The following CTNNA2 variants were observed in gnomAD, a reference collection of about 807,000 sequenced individuals.
The protein encoded by CTNNA2 is catenin alpha 2, also known as catenin alpha-2.
CTNNA2 carries 42 observed loss-of-function variants against 101.0 expected under a neutral mutation model. The ratio of observed to expected loss-of-function variants is 0.42; its 90% CI spans 0.32 to 0.54. The LOEUF (loss-of-function observed/expected upper bound fraction) is 0.54, where lower values mean the gene tolerates loss of function less well. Among genes scored for constraint, CTNNA2 ranks in the 20% least tolerant of loss-of-function variants. The pLI is 0.14. For synonymous variants in CTNNA2, 450 were observed against 456.4 expected (o/e 0.99, Z 0.18); for missense variants, 871 against 1,223.1 (o/e 0.71, Z 4.29).
rs547232132 is a variant in CTNNA2, at chr2:79,201,924, G to T, written c.-406+3848G>T. On this transcript the variant is annotated intron_variant, in intron 2 of 21. Coordinates refer to the CTNNA2 transcript ENST00000466387. The stretch of plus-strand genomic sequence containing the variant: ...TCAGTGGTACAGTTTGCTTTTATAC[G>T]TTTTAGGGAGACATGAGACATCATT... Among the ~76,000 whole-genome samples, 120 of 152,218 alleles carry T rather than the reference G, an allele frequency of 7.9e-4. 1 individual carries two copies. The highest frequency in any genetic ancestry group is 5.0e-3 in the South Asian group (24 of 4,824).
intron 2 of CTNNA2, among the ~76,000 whole-genome samples, chr2:79,704,651 T>G (rs1285273518): frequency 6.6e-6 from 1 of 151,788 alleles, no homozygotes; most frequent in Non-Finnish European, 1.5e-5. Flanking sequence ...TAGCTGGGAC[T>G]ACAGGCACCC....
At chr2:80,134,116 G>A (rs1381880081) in intron 7 of CTNNA2, among the ~76,000 whole-genome samples, 1 of 152,138 alleles carries the variant, frequency 6.6e-6, no homozygotes, top group African/African-American at 2.4e-5. Flanking sequence ...ATCAATAGAA[G>A]TGTTGTATAT....
intron 3 of CTNNA2, among the ~76,000 whole-genome samples, chr2:79,854,663 T>G (rs1413993060): frequency 6.6e-6 from 1 of 152,208 alleles, no homozygotes; most frequent in Non-Finnish European, 1.5e-5. Flanking sequence ...GTCCCTTATT[T>G]GGTAATGTTA....
chr2:79,382,416 A>T (rs1678049704), intron 4 of CTNNA2, among the ~76,000 whole-genome samples: 1 of 152,022 alleles, frequency 6.6e-6, no homozygotes, highest in Non-Finnish European at 1.5e-5. Flanking sequence ...GTGTGTATAC[A>T]TCTTGTTTGT....
At chr2:79,925,867 A>C (rs561088383) in intron 7 of CTNNA2, among the ~76,000 whole-genome samples, 3 of 115,160 alleles carry the variant, frequency 2.6e-5, no homozygotes, top group African/African-American at 1.2e-4. Flanking sequence ...CTTTGTTTAT[A>C]CATCTAAGAC....
At chr2:79,555,213 C>T (rs1674368605) in intron 1 of CTNNA2, among the ~76,000 whole-genome samples, 1 of 152,142 alleles carries the variant, frequency 6.6e-6, no homozygotes, top group Admixed American at 6.6e-5. Flanking sequence ...TCTTTCTTGG[C>T]AAATTTACTC....
intron 2 of CTNNA2, among the ~76,000 whole-genome samples, chr2:79,305,167 A>G (rs1376732582): frequency 6.6e-6 from 1 of 152,072 alleles, no homozygotes; most frequent in Non-Finnish European, 1.5e-5. Flanking sequence ...ATTATAAAAC[A>G]AAACTTGAAT....
intron 2 of CTNNA2, among the ~76,000 whole-genome samples, chr2:79,706,350 G>A (rs550215408): frequency 7.9e-6 from 1 of 126,122 alleles, no homozygotes; most frequent in Admixed American, 9.1e-5. Context: ...GCGACAGAGC[G>A]AGACTCCGTC....
intron 6 of CTNNA2, among the ~76,000 whole-genome samples, chr2:79,892,988 A>T (rs1294872768): frequency 6.6e-6 from 1 of 152,156 alleles, no homozygotes; most frequent in African/African-American, 2.4e-5. Context: ...CCCGTCCCTG[A>T]TTGTTAGACT....
chr2:79,745,288 G>A (rs1314887788), intron 3 of CTNNA2, among the ~76,000 whole-genome samples: 3 of 151,956 alleles, frequency 2.0e-5, no homozygotes, highest in Admixed American at 6.6e-5. Flanking sequence ...AAAATTAGCC[G>A]GGCATGGCAG....
chr2:80,358,199 G>C (rs1335347294), intron 7 of CTNNA2, among the ~76,000 whole-genome samples: 2 of 152,158 alleles, frequency 1.3e-5, no homozygotes, highest in East Asian at 1.9e-4. Flanking sequence ...CCTTAGGACA[G>C]TGCGTGGCAA....
At chr2:80,318,101 A>G (rs1368767801) in intron 7 of CTNNA2, among the ~76,000 whole-genome samples, 2 of 152,072 alleles carry the variant, frequency 1.3e-5, no homozygotes, top group African/African-American at 2.4e-5. Flanking sequence ...TTCCTCAATC[A>G]TGTAGTGGGT....
At chr2:80,232,345 GTTTTTTTTTTTTTTTTTTTT>G (rs61454985) in intron 7 of CTNNA2, among the ~76,000 whole-genome samples, 958 of 64,804 alleles carry the variant, frequency 0.015, 10 homozygotes, top group African/African-American at 0.035. Context: ...TTGTTTGTTT[GTTTTTTTTTTTTTTTTTTTT>G]TTTTTTTTTT....
At chr2:79,838,973 A>G (rs903429762) in intron 3 of CTNNA2, among the ~76,000 whole-genome samples, 27 of 152,060 alleles carry the variant, frequency 1.8e-4, no homozygotes, top group African/African-American at 6.3e-4. Flanking sequence ...AATACCACTT[A>G]TTACTGGGCG....
chr2:79,852,667 C>A (rs548683329), intron 3 of CTNNA2, among the ~76,000 whole-genome samples: 1 of 152,264 alleles, frequency 6.6e-6, no homozygotes, highest in Non-Finnish European at 1.5e-5. Flanking sequence ...TCTCTGCTCA[C>A]TGCAACCTCC....
intron 3 of CTNNA2, among the ~76,000 whole-genome samples, chr2:79,763,262 G>C (rs1672922402): frequency 6.6e-6 from 1 of 152,110 alleles, no homozygotes; most frequent in African/African-American, 2.4e-5. Flanking sequence ...CAAGATCAAT[G>C]TTACTATGTA....
In CTNNA2 at chr2:80,443,564, C is replaced by T. The variant is rs1035843239; in HGVS notation, c.1290+23963C>T. On this transcript the variant is annotated intron_variant, in intron 9 of 18. Coordinates refer to ENST00000402739, the MANE Select transcript of CTNNA2 (RefSeq NM_001282597.3). ...AGGAGATCTGTGGTCTTGTCACAGT[C>T]GGTTGAGTAGTATAGTGTGTGGTTA... Among the ~76,000 whole-genome samples, 9 of 152,202 alleles carry T rather than the reference C, an allele frequency of 5.9e-5. No homozygotes were observed. The South Asian group carries it at 6.2e-4, about 11-fold the overall frequency.
chr2:79,641,991 A>T (rs1680478827), intron 1 of CTNNA2, among the ~76,000 whole-genome samples: 1 of 152,120 alleles, frequency 6.6e-6, no homozygotes, highest in Admixed American at 6.5e-5. Context: ...ATTAGTCTTA[A>T]CTTATCACCT....
chr2:79,276,758 A>G (rs1675222304), intron 2 of CTNNA2, among the ~76,000 whole-genome samples: 2 of 151,868 alleles, frequency 1.3e-5, no homozygotes, highest in Admixed American at 1.3e-4. Context: ...CTTAATGATT[A>G]CCCTTATTTT....
Sources: allele counts gnomAD v4.1 joint callset (sites outside exome capture counted in the v4.1 genomes callset), GRCh38; gene constraint gnomAD v4.1.1; transcripts MANE v1.5; gene names NCBI Gene and HGNC (gene_info 2026-07-23, HGNC 2026-07-21).